Variants in DMBT1 observed in about 807,000 individuals in gnomAD.
DMBT1 encodes scavenger receptor cysteine-rich domain-containing protein DMBT1.
In DMBT1, 198 loss-of-function variants were observed where a neutral mutation model predicts 252.9. That is an observed-to-expected ratio of 0.78 (90% CI 0.70 to 0.88). The LOEUF is 0.88. DMBT1 is among the 40% of genes least tolerant of loss of function. The pLI, the probability that DMBT1 is intolerant of heterozygous loss-of-function variation, is 0.00. For missense variants in DMBT1, 2,432 were observed against 2,404.7 expected, an observed-to-expected ratio of 1.01 and a Z score of -0.24; for synonymous variants, 990 against 942.7, an observed-to-expected ratio of 1.05 and a Z score of -0.92.
Position 122,640,421 on chromosome 10 carries a change from T to A in DMBT1, c.7324T>A (p.Ser2442Thr). 1 of 1,613,746 alleles carries A rather than the reference T, an allele frequency of 6.2e-7. No individual in the cohort carries two copies. The highest frequency in any genetic ancestry group is 1.3e-5 in the African/African-American group (1 of 75,062). ...VASPYSNDFTSLTYDLIRSGC... is the reference protein window; with the variant it reads ...VASPYSNDFTTLTYDLIRSGC... ...ATCACCATACTCCAATGACTTCACG[T>A]CTTTGACTTATGATCTAATCCGGAG... Residue 2442 changes from serine (S) to threonine (T), a missense_variant, in exon 55 of 56, where the codon TCT (serine) becomes ACT (threonine). Around this residue, in one of 3 missense-constraint regions of DMBT1, gnomAD observed 1,162 missense variants for 1,169.0 expected, o/e 0.99. Coordinates refer to ENST00000338354, the MANE Select transcript of DMBT1 (RefSeq NM_001377530.1).
rs570304514 is a variant in DMBT1 at position 122,621,362 on chromosome 10, G to C, written c.5590G>C (p.Ala1864Pro). The change falls in exon 44 of 56, where the codon GCT becomes CCT. Residue 1864 changes from alanine (A) to proline (P), a missense_variant. Physicochemically the swap from Ala to Pro is conservative, Grantham distance 27. Coordinates refer to ENST00000338354, the MANE Select transcript of DMBT1 (RefSeq NM_001377530.1). ...LTHNCGHHED[A>P]GVICSATQIN... ...CCACAACTGTGGCCATCACGAAGAC[G>C]CTGGTGTCATCTGCTCAGGTGGGCC... The C allele has an allele frequency of 3.7e-6, 6 of 1,613,864 alleles. No individual in the cohort carries two copies. Among genetic ancestry groups the C allele is most frequent in the Non-Finnish European group, 5.1e-6 (6 of 1,179,756 alleles).
chr10:122,622,902 T>C (rs2098084122), intron 44 of DMBT1, among the ~76,000 whole-genome samples: 2 of 152,358 alleles, frequency 1.3e-5, no homozygotes, highest in South Asian at 4.1e-4. Context: ...CTTTTGATAC[T>C]ATCTGCTCTT....
Position 122,621,385 on chromosome 10 carries a change from G to A in DMBT1, c.5608+5G>A. 3.7e-6 allele frequency: 6 copies of A among 1,613,826 alleles called. No individual in the cohort carries two copies. Among genetic ancestry groups the A allele is most frequent in the East Asian group, 2.2e-5 (1 of 44,890 alleles). On this transcript the variant is annotated splice_donor_5th_base_variant and intron_variant, in intron 44 of 55. Coordinates refer to ENST00000338354, the MANE Select transcript of DMBT1 (RefSeq NM_001377530.1). ...ACGCTGGTGTCATCTGCTCAGGTGG[G>A]CCTTCAAGACCTGGGGCTCCCTCTC... is the stretch of plus-strand genomic sequence containing the variant.
At position 122,592,339 on chromosome 10, in the gene DMBT1, C is replaced by G; in HGVS notation, c.2244C>G (p.Val748=). The change falls in exon 20 of 56, where the codon GTC becomes GTG. Residue 748 remains valine (V), a synonymous_variant. Transcript: ENST00000338354. The stretch of plus-strand genomic sequence containing the variant: ...ACAGGTGTCAGGGCCGAGTAGAGGT[C>G]CTATACCGAGGCTCCTGGGGCACCG... ...GSDRCQGRVE[V]LYRGSWGTVC... is the part of the protein sequence containing the mutation. 1 of 1,588,068 alleles carries G rather than the reference C, an allele frequency of 6.3e-7. No homozygotes were observed.
intron 14 of DMBT1, 138 bp from the exon 15 acceptor site, chr10:122,585,133 G>A (rs530459717): frequency 1.5e-5 from 17 of 1,167,996 alleles, no homozygotes; most frequent in African/African-American, 1.1e-4. Flanking sequence ...GCAGACTTGG[G>A]CAGACACATG....
intron 14 of DMBT1, among the ~76,000 whole-genome samples, chr10:122,584,989 CGTCAGTGCATGT>C (rs1356855867): frequency 6.7e-6 from 1 of 148,896 alleles, no homozygotes; most frequent in Non-Finnish European, 1.5e-5. Context: ...TAGATGTACC[CGTCAGTGCATGT>C]GTCAGTGCAT....
At chr10:122,573,801 C>G (rs1369232694) in intron 6 of DMBT1, 39 bp downstream of exon 6, 1 of 1,601,806 alleles carries the variant, frequency 6.2e-7, no homozygotes, top group Non-Finnish European at 8.6e-7. Context: ...GGCTCATTAC[C>G]CCCCTGCACC....
chr10:122,563,387 G>A (rs566376202), intron 1 of DMBT1, among the ~76,000 whole-genome samples: 1 of 152,296 alleles, frequency 6.6e-6, no homozygotes, highest in South Asian at 2.1e-4. Flanking sequence ...CTTCCTAAAA[G>A]TAATGTGAGC....
intron 50 of DMBT1, 30 bp from the exon 51 acceptor site, chr10:122,632,831 C>T: frequency 1.2e-6 from 2 of 1,612,516 alleles, no homozygotes; most frequent in Non-Finnish European, 1.7e-6. Context: ...TGCCAGAAAA[C>T]TGATCCTGAT....
chr10:122,586,056 G>A lies in DMBT1; in HGVS notation c.1460-4G>A, dbSNP rs1262614374. 2 of 1,588,452 alleles carry A rather than the reference G, an allele frequency of 1.3e-6. No homozygotes were observed. The highest frequency in any genetic ancestry group is 1.1e-5 in the South Asian group (1 of 87,020). On this transcript the variant is annotated splice_polypyrimidine_tract_variant and splice_region_variant and intron_variant, in intron 15 of 55. Transcript: ENST00000338354. ...GGATGAAGGGTTCTTGTTTTCCCCTGTAGGATCTGAATCCAGTTTGGCCCT... is the reference window on the plus strand; with the variant it reads ...GGATGAAGGGTTCTTGTTTTCCCCTATAGGATCTGAATCCAGTTTGGCCCT...
chr10:122,568,276 T>G (rs1591148633), intron 2 of DMBT1, among the ~76,000 whole-genome samples: 1 of 151,780 alleles, frequency 6.6e-6, no homozygotes, highest in Non-Finnish European at 1.5e-5. Flanking sequence ...ATGTGGGGGG[T>G]AGGATGGCCA....
At chr10:122,562,060 C>T (rs992625867) in intron 1 of DMBT1, among the ~76,000 whole-genome samples, 1 of 151,026 alleles carries the variant, frequency 6.6e-6, no homozygotes, top group African/African-American at 2.4e-5. Context: ...TTGGGCAGCT[C>T]TTATCACTTT....
intron 14 of DMBT1, among the ~76,000 whole-genome samples, chr10:122,584,596 C>T: frequency 6.7e-6 from 1 of 148,904 alleles, no homozygotes; most frequent in Non-Finnish European, 1.5e-5. Context: ...CAGTGGCCAA[C>T]CCTTAGAGGT....
At chr10:122,618,855 C>G (rs944939058) in intron 41 of DMBT1, among the ~76,000 whole-genome samples, 2 of 152,222 alleles carry the variant, frequency 1.3e-5, no homozygotes, top group Admixed American at 1.3e-4. Flanking sequence ...TCCTTGACCT[C>G]AGGTCCTCTA....
intron 18 of DMBT1, among the ~76,000 whole-genome samples, chr10:122,591,139 A>G (rs2097846383): frequency 6.7e-6 from 1 of 148,604 alleles, no homozygotes; most frequent in Non-Finnish European, 1.5e-5. Context: ...CAGCTCCCTG[A>G]TCCTTCTAAC....
intron 46 of DMBT1, among the ~76,000 whole-genome samples, chr10:122,626,914 C>T (rs779124677): frequency 8.6e-5 from 13 of 152,042 alleles, no homozygotes; most frequent in Non-Finnish European, 1.9e-4. Context: ...GTCTTCTAAC[C>T]AGAAGGGATG....
rs1265671720 is a variant in DMBT1 at position 122,599,009 on chromosome 10, A to G, written c.3192A>G (p.Gly1064=). ...TCCTGGATGATGTGCGCTGCTCAGG[A>G]CACGAGTCTTACCTGTGGAGCTGCC... ...PIVLDDVRCS[G]HESYLWSCPH... is the part of the protein sequence containing the mutation. The change falls in exon 26 of 56, where the codon GGA becomes GGG. Residue 1064 remains glycine (G), a synonymous_variant. Transcript: ENST00000338354. 1.2e-6 allele frequency: 2 copies of G among 1,613,744 alleles called. No individual in the cohort carries two copies. The highest frequency in any genetic ancestry group is 4.5e-5 in the East Asian group (2 of 44,870).
chr10:122,636,024 A>G lies in DMBT1; in HGVS notation c.6582A>G (p.Glu2194=). 6.2e-7 allele frequency: 1 copy of G among 1,613,918 alleles called. No homozygotes were observed. The highest frequency in any genetic ancestry group is 8.5e-7 in the Non-Finnish European group (1 of 1,179,870). The stretch of plus-strand genomic sequence containing the variant: ...GTGGCTGCAACTATGATTATATTGA[A>G]GTTTTCGATGGCCCCTACCGCAGTT... ...LEGGCNYDYI[E]VFDGPYRSSP... is the part of the protein sequence containing the mutation. The change falls in exon 53 of 56, where the codon GAA becomes GAG. Residue 2194 remains glutamate, a synonymous_variant. Transcript: ENST00000338354.
chr10:122,598,679 C>T (rs2097909138), intron 25 of DMBT1, 95 bp from the exon 26 acceptor site: 1 of 1,590,554 alleles, frequency 6.3e-7, no homozygotes. Context: ...GCCCAGGTGA[C>T]TTTAGCCATT....
Sources: gnomAD v4.1 joint callset for allele counts (sites outside exome capture counted in the v4.1 genomes callset) on GRCh38, gnomAD v4.1.1 for gene constraint, gnomAD v4.1.1 regional missense constraint, MANE v1.5 for transcripts, NCBI Gene and HGNC (gene_info 2026-07-23, HGNC 2026-07-21) for gene names.